SLIT3: variants seen among roughly 807,000 people sequenced by gnomAD.
The protein encoded by SLIT3 is slit homolog 3 protein.
Under a neutral mutation model 184.0 loss-of-function variants are expected in SLIT3, and 68 were observed. That is an observed-to-expected ratio of 0.37 (90% CI 0.30 to 0.45). The LOEUF (loss-of-function observed/expected upper bound fraction) is 0.45, where lower values mean the gene tolerates loss of function less well. Ranked by LOEUF, SLIT3 falls within the 20% of genes least tolerant of loss-of-function variation. The pLI is 1.00. For synonymous variants in SLIT3, 831 were observed against 828.6 expected (o/e 1.00, Z -0.05); for missense variants, 1,707 against 2,026.0 (o/e 0.84, Z 3.02).
At chr5:169,077,698 G>T (rs1460997939) in intron 4 of SLIT3, among the ~76,000 whole-genome samples, 3 of 151,904 alleles carry the variant, frequency 2.0e-5, no homozygotes, top group African/African-American at 7.3e-5. Context: ...CTGTGTGGGG[G>T]GTCACCACCC....
At chr5:169,267,755 C>G (rs781145250) in intron 1 of SLIT3, among the ~76,000 whole-genome samples, 12 of 152,198 alleles carry the variant, frequency 7.9e-5, no homozygotes, top group Non-Finnish European at 1.6e-4. Context: ...AATGGAAATA[C>G]TCATATGGGG....
intron 5 of SLIT3, among the ~76,000 whole-genome samples, chr5:168,863,999 C>T (rs1482868229): frequency 6.7e-6 from 1 of 149,186 alleles, no homozygotes; most frequent in African/African-American, 2.5e-5. Flanking sequence ...AGTTTGAGAC[C>T]AGCCTAGGCA....
At chr5:168,805,066 C>T (rs545055625) in intron 9 of SLIT3, among the ~76,000 whole-genome samples, 2 of 152,326 alleles carry the variant, frequency 1.3e-5, no homozygotes, top group African/African-American at 4.8e-5. Context: ...ACAGAATCTA[C>T]CTTCTGACAT....
intron 4 of SLIT3, among the ~76,000 whole-genome samples, chr5:169,022,409 G>A (rs926218700): frequency 6.6e-6 from 1 of 152,190 alleles, no homozygotes; most frequent in Non-Finnish European, 1.5e-5. Context: ...ACACAGTCCT[G>A]GAAAGGAGGC....
At chr5:169,090,517 A>AC (rs1359880088) in intron 4 of SLIT3, among the ~76,000 whole-genome samples, 1 of 152,052 alleles carries the variant, frequency 6.6e-6, no homozygotes. Flanking sequence ...AGCCTTTCCC[A>AC]CCCCACCTCA....
chr5:169,126,105 C>T (rs907975224), intron 4 of SLIT3, among the ~76,000 whole-genome samples: 6 of 152,152 alleles, frequency 3.9e-5, no homozygotes, highest in African/African-American at 9.7e-5. Flanking sequence ...CTTAGAAAGT[C>T]GGGCTTTGCT....
Position 169,141,436 on chromosome 5 carries a change from G to GT in SLIT3, c.413+52042dup, listed in dbSNP as rs1761736378. The stretch of plus-strand genomic sequence containing the variant: ...TGTTGTTTGTTTTGTTTTTTTTTTT[G>GT]TTTTTTGATAAAGTCAGGTCAGGCT... On this transcript the variant is annotated intron_variant, in intron 4 of 35. Coordinates refer to ENST00000519560, the MANE Select transcript of SLIT3 (RefSeq NM_003062.4). Among the ~76,000 whole-genome samples the GT allele has an allele frequency of 2.8e-5, 4 of 144,794 alleles. No individual in the cohort carries two copies. The East Asian group carries it at 8.1e-4, about 29-fold the overall frequency. The allele number at this position is 144,794 out of a possible 152,430, so 95.0% of individuals were successfully genotyped here.
At chr5:168,794,965 T>A (rs888039877) in intron 10 of SLIT3, among the ~76,000 whole-genome samples, 33 of 152,302 alleles carry the variant, frequency 2.2e-4, no homozygotes, top group African/African-American at 7.5e-4. Context: ...TTCTGATATT[T>A]GTTTCTTTAT....
chr5:168,767,395 G>A (rs1033121354), intron 14 of SLIT3, among the ~76,000 whole-genome samples: 8 of 152,146 alleles, frequency 5.3e-5, no homozygotes, highest in African/African-American at 1.9e-4. Context: ...CAAGGAACAA[G>A]CAAAATAAGA....
At chr5:168,743,747 T>C (rs1763712131) in intron 20 of SLIT3, among the ~76,000 whole-genome samples, 2 of 152,092 alleles carry the variant, frequency 1.3e-5, no homozygotes, top group Admixed American at 1.3e-4. Flanking sequence ...TGAACGCAAA[T>C]AAAAAGTTCT....
intron 4 of SLIT3, among the ~76,000 whole-genome samples, chr5:169,132,073 GTTTC>G (rs1761320318): frequency 6.6e-6 from 1 of 152,172 alleles, no homozygotes; most frequent in African/African-American, 2.4e-5. Context: ...TCAGAGTCCT[GTTTC>G]TTTAAGCCAC....
chr5:168,936,855 A>G (rs77923746), intron 4 of SLIT3, among the ~76,000 whole-genome samples: 4,945 of 152,190 alleles, frequency 0.032, 263 homozygotes, highest in African/African-American at 0.11. Context: ...TCATCCTAGG[A>G]ACTGGGGCTA....
intron 3 of SLIT3, among the ~76,000 whole-genome samples, chr5:169,238,965 G>T (rs1260643692): frequency 6.6e-6 from 1 of 152,026 alleles, no homozygotes; most frequent in Admixed American, 6.6e-5. Context: ...CTCTTCTCAG[G>T]GTCCTAAGAA....
chr5:169,216,774 T>C lies in SLIT3; in HGVS notation c.342-23224A>G, dbSNP rs114999694. Among the ~76,000 whole-genome samples the C allele has an allele frequency of 7.9e-3, 1,200 of 152,306 alleles. 15 individuals are homozygous for C. Among genetic ancestry groups the C allele is most frequent in the Non-Finnish European group, 0.013 (856 of 68,032 alleles). On this transcript the variant is annotated intron_variant, in intron 3 of 35. Transcript: ENST00000519560. ...AGGCAGCACTTTCAGCCTGAGTTTG[T>C]CTTTTCTCTCTTTTCCGGATGTGGG...
chr5:168,685,753 C>T lies in SLIT3; in HGVS notation c.3489G>A (p.Val1163=). Residue 1163 remains valine, a synonymous_variant, in exon 31 of 36, where the codon GTG becomes GTA. Transcript: ENST00000519560. ...CCAGTTCCACGTAGGAGTCTTTGCC[C>T]ACGAAGTTGACAGTGATGAGCTTCT... ...RCEKLITVNF[V]GKDSYVELAS... is the part of the protein sequence containing the mutation. 1 of 1,604,994 alleles carries T rather than the reference C, an allele frequency of 6.2e-7. No homozygotes were observed. The highest frequency in any genetic ancestry group is 8.5e-7 in the Non-Finnish European group (1 of 1,174,410).
chr5:168,810,674 C>T (rs4867597), intron 8 of SLIT3, among the ~76,000 whole-genome samples: 21,774 of 152,148 alleles, frequency 0.14, 1,817 homozygotes, highest in African/African-American at 0.23. Flanking sequence ...TTGTGCCAAA[C>T]GGGGCAGAAA....
At chr5:169,029,423 G>T (rs900129291) in intron 4 of SLIT3, among the ~76,000 whole-genome samples, 2 of 152,130 alleles carry the variant, frequency 1.3e-5, no homozygotes, top group Non-Finnish European at 2.9e-5. Flanking sequence ...TCCTCTCCTC[G>T]GACCTACTGC....
intron 3 of SLIT3, among the ~76,000 whole-genome samples, chr5:169,211,821 G>A (rs1374340193): frequency 6.6e-6 from 1 of 152,036 alleles, no homozygotes; most frequent in Non-Finnish European, 1.5e-5. Flanking sequence ...CGTGTGTGAT[G>A]TTCCCCTCCC....
intron 4 of SLIT3, among the ~76,000 whole-genome samples, chr5:169,159,387 T>C (rs1762403119): frequency 2.0e-5 from 3 of 151,596 alleles, no homozygotes; most frequent in Admixed American, 1.3e-4. Flanking sequence ...GATCGTGCCA[T>C]TGCACTCCAG....
Sources: allele counts gnomAD v4.1 joint callset (sites outside exome capture counted in the v4.1 genomes callset), GRCh38; gene constraint gnomAD v4.1.1; transcripts MANE v1.5; gene names NCBI Gene and HGNC (gene_info 2026-07-23, HGNC 2026-07-21).